The following MYPN variants were observed in gnomAD, a reference collection of about 807,000 sequenced individuals.
MYPN encodes myopalladin, also known as sarcomeric protein myopalladin, 145 kDa (MYOP).
Under a neutral mutation model 129.4 loss-of-function variants are expected in MYPN, and 63 were observed. The observed-to-expected ratio is 0.49, with a 90% confidence interval of 0.40 to 0.60. The LOEUF (loss-of-function observed/expected upper bound fraction) is 0.60, where lower values mean the gene tolerates loss of function less well. Among genes scored for constraint, MYPN ranks in the 20% least tolerant of loss-of-function variants. The pLI is 0.00. For missense variants in MYPN, 1,596 were observed against 1,635.4 expected, an observed-to-expected ratio of 0.98 and a Z score of 0.42; for synonymous variants, 629 against 600.9, an observed-to-expected ratio of 1.05 and a Z score of -0.68.
intron 10 of MYPN, among the ~76,000 whole-genome samples, chr10:68,171,922 C>T (rs78312374): frequency 3.3e-5 from 5 of 152,184 alleles, no homozygotes; most frequent in Non-Finnish European, 5.9e-5. Flanking sequence ...TTGTCATTGC[C>T]AAAACTGCTT....
chr10:68,149,870 TAG>T (rs1427520591), intron 5 of MYPN, among the ~76,000 whole-genome samples, 168 bp from the exon 6 acceptor site: 4 of 152,118 alleles, frequency 2.6e-5, no homozygotes, highest in African/African-American at 7.2e-5. Context: ...TAGAGAGAAA[TAG>T]AGTCAATTCA....
chr10:68,121,026 C>G (rs1417907750), intron 1 of MYPN, among the ~76,000 whole-genome samples: 2 of 152,144 alleles, frequency 1.3e-5, no homozygotes, highest in African/African-American at 4.8e-5. Flanking sequence ...CCCCTATAAT[C>G]CCAGCACTTT....
chr10:68,210,837 C>A lies in MYPN; in HGVS notation c.*382C>A, dbSNP rs1212927197. ...GCTGAGAAGAGCTAGGCAGTAGTGA[C>A]CTTAGGATATGACTAACTCACCAAA... On this transcript the variant is annotated 3_prime_UTR_variant, in exon 20 of 20. Coordinates refer to ENST00000358913, the MANE Select transcript of MYPN (RefSeq NM_032578.4). The A allele has an allele frequency of 2.2e-6, 1 of 459,720 alleles. No individual in the cohort carries two copies. The highest frequency in any genetic ancestry group is 6.8e-4 in the Middle Eastern group (1 of 1,468). The allele number at this position is 459,720 out of a possible 1,614,324, so 28.5% of individuals were successfully genotyped here. A position where few individuals can be genotyped will look rare whatever the true frequency, so the allele number is the denominator to read the frequency against.
intron 14 of MYPN, 64 bp downstream of exon 14, chr10:68,194,576 A>G: frequency 6.4e-7 from 1 of 1,568,802 alleles, no homozygotes; most frequent in East Asian, 2.3e-5. Flanking sequence ...GTCATTGTGA[A>G]TGAGACCTTG....
chr10:68,106,695 A>G (rs1258249194), upstream of MYPN: 15 of 716,278 alleles, frequency 2.1e-5, no homozygotes, highest in Non-Finnish European at 3.1e-5. Context: ...CAAACATTTT[A>G]TATGAATCTA....
intron 15 of MYPN, among the ~76,000 whole-genome samples, chr10:68,196,700 G>T (rs922235285): frequency 6.6e-6 from 1 of 151,902 alleles, no homozygotes; most frequent in African/African-American, 2.4e-5. Flanking sequence ...GCCCAGGCTG[G>T]TTTCAAACTC....
intron 19 of MYPN, among the ~76,000 whole-genome samples, chr10:68,209,895 G>A (rs1253756865): frequency 6.6e-6 from 1 of 151,992 alleles, no homozygotes; most frequent in African/African-American, 2.4e-5. Flanking sequence ...GTTTCGCCAT[G>A]TTGGCCAGCC....
upstream of MYPN, chr10:68,109,389 C>T (rs1191689314): frequency 2.5e-6 from 1 of 399,584 alleles, no homozygotes; most frequent in African/African-American, 2.1e-5. Flanking sequence ...TAGGTGCTGT[C>T]CTGCTATGGA....
At position 68,211,412 on chromosome 10, in the gene MYPN, A is replaced by T; in HGVS notation, c.*957A>T. ...ACAAACAAGGAGAGGAAATGATGGG[A>T]GAGTGTTGTTTTTGTCACTTGCCCC... On this transcript the variant is annotated 3_prime_UTR_variant, in exon 20 of 20. Transcript: ENST00000358913. 1 of 454,090 alleles carries T rather than the reference A, an allele frequency of 2.2e-6. No individual in the cohort carries two copies. The highest frequency in any genetic ancestry group is 4.4e-6 in the Non-Finnish European group (1 of 226,772). The allele number at this position is 454,090 out of a possible 1,614,324, so 28.1% of individuals were successfully genotyped here. A position where few individuals can be genotyped will look rare whatever the true frequency, so the allele number is the denominator to read the frequency against.
intron 15 of MYPN, among the ~76,000 whole-genome samples, chr10:68,196,384 G>A (rs2043605086): frequency 3.3e-5 from 5 of 151,936 alleles, no homozygotes; most frequent in Admixed American, 2.6e-4. Flanking sequence ...CATAGCTGCT[G>A]ACACAGACGA....
chr10:68,130,353 G>A (rs1009500238), intron 2 of MYPN, among the ~76,000 whole-genome samples: 8 of 151,598 alleles, frequency 5.3e-5, no homozygotes, highest in Admixed American at 1.3e-4. Flanking sequence ...CCAGCTACTC[G>A]GGAGGCTGAG....
rs71541554 is a variant in MYPN, at chr10:68,202,081, G to A, written c.3659+87G>A. The stretch of plus-strand genomic sequence containing the variant: ...AATAAGTCTGCTGCTATTTGAGTCT[G>A]GCTTACTTCATTTAGAATAATGCAT... On this transcript the variant is annotated intron_variant, in intron 18 of 19. Transcript: ENST00000358913. 8,996 of 1,467,374 alleles carry A rather than the reference G, an allele frequency of 6.1e-3. 467 individuals are homozygous for A. The African/African-American group carries it at 0.11, about 18-fold the overall frequency. The allele number at this position is 1,467,374 out of a possible 1,614,324, so 90.9% of individuals were successfully genotyped here.
chr10:68,103,281 T>C (rs1027758071), upstream of MYPN, among the ~76,000 whole-genome samples: 9 of 152,236 alleles, frequency 5.9e-5, no homozygotes, highest in African/African-American at 2.2e-4. Context: ...CTTTCCTCCT[T>C]GACAACAGTT....
chr10:68,088,427 G>A (rs1487211133), intron 1 of MYPN, among the ~76,000 whole-genome samples: 1 of 152,166 alleles, frequency 6.6e-6, no homozygotes, highest in African/African-American at 2.4e-5. Context: ...TGAGCTGATT[G>A]AGGACAGTCA....
At chr10:68,156,670 A>G (rs1161368311) in intron 6 of MYPN, among the ~76,000 whole-genome samples, 1 of 152,232 alleles carries the variant, frequency 6.6e-6, no homozygotes, top group East Asian at 1.9e-4. Context: ...CCTTAGGTAA[A>G]TGCTATTAAG....
At chr10:68,169,706 G>A (rs1040172846) in intron 10 of MYPN, among the ~76,000 whole-genome samples, 1 of 151,436 alleles carries the variant, frequency 6.6e-6, no homozygotes, top group African/African-American at 2.4e-5. Flanking sequence ...TACAGTTCAG[G>A]CAGTCAGAAG....
At chr10:68,112,197 G>C (rs1327386066) in intron 1 of MYPN, among the ~76,000 whole-genome samples, 1 of 151,954 alleles carries the variant, frequency 6.6e-6, no homozygotes, top group East Asian at 1.9e-4. Flanking sequence ...CTAGATTCTT[G>C]AAGTCTTCTT....
chr10:68,196,762 G>A (rs558674509), intron 15 of MYPN, among the ~76,000 whole-genome samples: 1 of 152,180 alleles, frequency 6.6e-6, no homozygotes, highest in East Asian at 1.9e-4. Context: ...TAGGATTACA[G>A]GCTTGAGCCA....
chr10:68,183,808 G>C (rs188910751), intron 12 of MYPN, among the ~76,000 whole-genome samples: 2 of 152,084 alleles, frequency 1.3e-5, no homozygotes, highest in Admixed American at 1.3e-4. Flanking sequence ...AGGATTGCTT[G>C]AGCCCAGTTC....
Sources: allele counts gnomAD v4.1 joint callset (sites outside exome capture counted in the v4.1 genomes callset), GRCh38; gene constraint gnomAD v4.1.1; transcripts MANE v1.5; gene names NCBI Gene and HGNC (gene_info 2026-07-23, HGNC 2026-07-21).